The following VPS39 variants were observed in gnomAD, a reference collection of about 807,000 sequenced individuals.
The protein encoded by VPS39 is VPS39 subunit of HOPS complex.
In VPS39, 70 loss-of-function variants were observed where a neutral mutation model predicts 121.0. The ratio of observed to expected loss-of-function variants is 0.58; its 90% CI spans 0.48 to 0.71. The LOEUF is 0.71. VPS39 is among the 30% of genes least tolerant of loss of function. The probability of loss-of-function intolerance (pLI) is 0.00; values close to 1 mark genes in which losing one functional copy is unlikely to be tolerated. For missense variants in VPS39, 818 were observed against 1,051.5 expected (o/e 0.78, Z 3.07); for synonymous variants, 378 against 398.1 (o/e 0.95, Z 0.60).
At chr15:42,184,917 C>A (rs1197763953) in intron 7 of VPS39, among the ~76,000 whole-genome samples, 2 of 152,240 alleles carry the variant, frequency 1.3e-5, no homozygotes, top group African/African-American at 4.8e-5. Context: ...ACTGACAATG[C>A]CAGGTGCTGG....
At chr15:42,186,277 A>T (rs1451350861) in intron 7 of VPS39, among the ~76,000 whole-genome samples, 1 of 76,078 alleles carries the variant, frequency 1.3e-5, no homozygotes, top group African/African-American at 1.4e-4. Context: ...ACAAAAATAC[A>T]AAAAAAAAAA....
chr15:42,207,722 G>A (rs2050204641), intron 1 of VPS39, among the ~76,000 whole-genome samples: 1 of 152,188 alleles, frequency 6.6e-6, no homozygotes, highest in South Asian at 2.1e-4. Flanking sequence ...TCAAGCCCCT[G>A]GCAGGCTGAG....
chr15:42,194,281 C>T (rs146688976), intron 2 of VPS39, among the ~76,000 whole-genome samples: 6 of 151,858 alleles, frequency 4.0e-5, no homozygotes, highest in Non-Finnish European at 7.4e-5. Flanking sequence ...AAAGACCAGA[C>T]TGGCCAATAT....
chr15:42,193,374 A>T (rs1431410671), intron 2 of VPS39, among the ~76,000 whole-genome samples: 2 of 152,230 alleles, frequency 1.3e-5, no homozygotes, highest in African/African-American at 4.8e-5. Flanking sequence ...CCTCATATAG[A>T]TAACATAGTT....
Position 42,162,107 on chromosome 15 carries a change from C to A in VPS39, c.2385G>T (p.Lys795Asn). The A allele has an allele frequency of 6.2e-7, 1 of 1,614,222 alleles. No individual in the cohort carries two copies. Among genetic ancestry groups the A allele is most frequent in the Non-Finnish European group, 8.5e-7 (1 of 1,180,046 alleles). The change falls in exon 23 of 25, where the codon AAG (lysine) becomes AAT (asparagine). Residue 795 changes from lysine to asparagine, a missense_variant. Physicochemically the swap from Lys to Asn is moderately conservative, Grantham distance 94. Coordinates refer to ENST00000318006, the MANE Select transcript of VPS39 (RefSeq NM_015289.5). ...QINDIRIFLE[K>N]VLEENAQKKR... ...TCTTTTGTGCATTTTCTTCCAAGAC[C>A]TTTTCCAGGAAGATGCGTATGTCAT...
At chr15:42,178,017 C>T (rs777008200) in intron 10 of VPS39, among the ~76,000 whole-genome samples, 9 of 151,916 alleles carry the variant, frequency 5.9e-5, no homozygotes, top group African/African-American at 1.2e-4. Context: ...ATTCATTCTA[C>T]ATTTGACAGA....
Position 42,166,613 on chromosome 15 carries a change from T to G in VPS39, c.1556A>C (p.Asn519Thr). 1.9e-6 allele frequency: 3 copies of G among 1,613,966 alleles called. No homozygotes were observed. Among genetic ancestry groups the G allele is most frequent in the Non-Finnish European group, 2.5e-6 (3 of 1,180,000 alleles). The stretch of plus-strand genomic sequence containing the variant: ...CCTCTCGTGGCCTTTCAGAGGGGAG[T>G]TGGCTTTCTTGGACTGGTCCACGAG... ...QVLVDQSKKA[N>T]SPLKGHERTV... The change falls in exon 15 of 25, where the codon AAC becomes ACC. Residue 519 changes from asparagine (N) to threonine (T), a missense_variant. By Grantham distance (65) the Asn-to-Thr change is moderately conservative. Transcript: ENST00000318006.
intron 8 of VPS39, among the ~76,000 whole-genome samples, chr15:42,181,398 A>C (rs1050054919): frequency 9.9e-5 from 15 of 152,126 alleles, no homozygotes; most frequent in Admixed American, 4.6e-4. Flanking sequence ...CAGGGACTGG[A>C]GGGAGAAGAA....
intron 10 of VPS39, 105 bp downstream of exon 10, chr15:42,178,113 C>G: frequency 6.7e-7 from 1 of 1,502,902 alleles, no homozygotes; most frequent in Non-Finnish European, 9.0e-7. Flanking sequence ...GGACTTTCAG[C>G]TATGTGCTTA....
At chr15:42,171,985 G>A (rs977752382) in intron 11 of VPS39, among the ~76,000 whole-genome samples, 2 of 152,096 alleles carry the variant, frequency 1.3e-5, no homozygotes, top group Admixed American at 1.3e-4. Context: ...CCTAATCCTG[G>A]CTAATCAGAT....
chr15:42,173,001 T>C (rs1026699584), intron 11 of VPS39, among the ~76,000 whole-genome samples: 1 of 152,184 alleles, frequency 6.6e-6, no homozygotes. Flanking sequence ...TAGTATGATA[T>C]AGAGTCAATC....
Position 42,164,451 on chromosome 15 carries a change from C to G in VPS39, c.1933G>C (p.Glu645Gln), listed in dbSNP as rs1214744623. The change falls in exon 19 of 25, where the codon GAG becomes CAG. Residue 645 changes from glutamate to glutamine, a missense_variant. Transcript: ENST00000318006. ...TPVPAGEEEG[E>Q]LGEYRQKLLM... is the part of the protein sequence containing the mutation. Reference sequence around the variant, plus strand: ...AGCTTTTGCCGGTATTCTCCCAGCTCACCCTCTTCCTCTCCAGCTGGGACT... The same window carrying G: ...AGCTTTTGCCGGTATTCTCCCAGCTGACCCTCTTCCTCTCCAGCTGGGACT... 4.3e-6 allele frequency: 7 copies of G among 1,613,972 alleles called. No homozygotes were observed. The highest frequency in any genetic ancestry group is 5.9e-6 in the Non-Finnish European group (7 of 1,179,952).
chr15:42,198,165 C>T (rs2049984354), intron 2 of VPS39, among the ~76,000 whole-genome samples: 1 of 152,184 alleles, frequency 6.6e-6, no homozygotes, highest in Admixed American at 6.5e-5. Context: ...GTTGAGACTT[C>T]ATTTATAAAG....
rs1258381309 is a variant in VPS39, at chr15:42,160,721, C to A, written c.*33G>T. 1.9e-6 allele frequency: 3 copies of A among 1,598,388 alleles called. No homozygotes were observed. The highest frequency in any genetic ancestry group is 2.6e-6 in the Non-Finnish European group (3 of 1,165,610). ...CCTTCACCTCTCTGGGAGAGCCAAGCTGTCCATCCGCTGGATCCCCAGGAT... is the reference window on the plus strand; with the variant it reads ...CCTTCACCTCTCTGGGAGAGCCAAGATGTCCATCCGCTGGATCCCCAGGAT... On this transcript the variant is annotated 3_prime_UTR_variant, in exon 25 of 25. Coordinates refer to ENST00000318006, the MANE Select transcript of VPS39 (RefSeq NM_015289.5).
chr15:42,164,228 A>G (rs753752715), intron 19 of VPS39, 130 bp downstream of exon 19: 8 of 1,356,344 alleles, frequency 5.9e-6, no homozygotes, highest in Non-Finnish European at 8.1e-6. Flanking sequence ...ACAAAACAGG[A>G]GCACTGGCCT....
Position 42,161,764 on chromosome 15 carries a change from C to T in VPS39, c.2470G>A (p.Glu824Lys), listed in dbSNP as rs2049131932. The change falls in exon 24 of 25, where the codon GAG becomes AAG. Residue 824 changes from glutamate to lysine, a missense_variant. Coordinates refer to ENST00000318006, the MANE Select transcript of VPS39 (RefSeq NM_015289.5). ...TTCACCTGCTGGTGTAAAATCCGCT[C>T]TTCCTGGACCTGGAAGAACAGGGGG... ...LHAEFLRVQE[E>K]RILHQQVKCI... 6.2e-7 allele frequency: 1 copy of T among 1,614,182 alleles called. No individual in the cohort carries two copies. The highest frequency in any genetic ancestry group is 8.5e-7 in the Non-Finnish European group (1 of 1,180,052).
chr15:42,164,280 G>A, intron 19 of VPS39, 78 bp downstream of exon 19: 1 of 1,576,314 alleles, frequency 6.3e-7, no homozygotes, highest in South Asian at 1.2e-5. Context: ...GTGGAGAGTT[G>A]GGGAACAATT....
intron 2 of VPS39, among the ~76,000 whole-genome samples, chr15:42,198,641 T>C (rs2049997051): frequency 2.0e-5 from 3 of 152,204 alleles, no homozygotes; most frequent in Admixed American, 6.5e-5. Flanking sequence ...TCACAGGCCA[T>C]GAGAATTAAA....
At chr15:42,203,617 G>A (rs1385605118) in intron 1 of VPS39, among the ~76,000 whole-genome samples, 2 of 151,910 alleles carry the variant, frequency 1.3e-5, no homozygotes, top group African/African-American at 4.8e-5. Flanking sequence ...CTCCAGCCTG[G>A]GTGACAAGTG....
Sources: gnomAD v4.1 joint callset for allele counts (sites outside exome capture counted in the v4.1 genomes callset) on GRCh38, gnomAD v4.1.1 for gene constraint, MANE v1.5 for transcripts, NCBI Gene and HGNC (gene_info 2026-07-23, HGNC 2026-07-21) for gene names.